CLSTN2: variants seen among roughly 807,000 people sequenced by gnomAD.
The protein encoded by CLSTN2 is calsyntenin-2.
A neutral mutation model predicts 101.2 loss-of-function variants in CLSTN2; 48 were observed. The observed-to-expected ratio is 0.47, with a 90% CI of 0.38 to 0.60. The LOEUF (loss-of-function observed/expected upper bound fraction) is 0.60. Ranked by LOEUF, CLSTN2 falls within the 20% of genes least tolerant of loss-of-function variation. The pLI is 0.00. For missense variants in CLSTN2, 1,160 were observed against 1,238.2 expected (o/e 0.94, Z 0.95); for synonymous variants, 481 against 463.6 (o/e 1.04, Z -0.48).
chr3:140,279,033 T>C (rs2086821509), intron 2 of CLSTN2, among the ~76,000 whole-genome samples: 1 of 152,188 alleles, frequency 6.6e-6, no homozygotes, highest in Admixed American at 6.5e-5. Context: ...ATTCTTCTGA[T>C]TTGTATCACC....
intron 2 of CLSTN2, among the ~76,000 whole-genome samples, chr3:140,397,469 C>A (rs1356683139): frequency 1.3e-5 from 2 of 152,180 alleles, no homozygotes; most frequent in Non-Finnish European, 2.9e-5. Context: ...ATTAAAGCTG[C>A]TGTAACGAAA....
chr3:140,167,935 A>G (rs920590918), intron 1 of CLSTN2, among the ~76,000 whole-genome samples: 3 of 152,106 alleles, frequency 2.0e-5, no homozygotes, highest in African/African-American at 4.8e-5. Flanking sequence ...GATATTCTGC[A>G]ATTTGTTTAT....
chr3:139,941,314 C>A (rs566967870), intron 1 of CLSTN2, among the ~76,000 whole-genome samples: 1 of 152,028 alleles, frequency 6.6e-6, no homozygotes, highest in Admixed American at 6.6e-5. Context: ...AAGCAGTAGG[C>A]CAGAGGGAGT....
chr3:140,381,006 C>A (rs1056478614), intron 2 of CLSTN2, among the ~76,000 whole-genome samples: 1 of 152,198 alleles, frequency 6.6e-6, no homozygotes, highest in Admixed American at 6.5e-5. Flanking sequence ...CTTAACCCAA[C>A]AGAAATGTTT....
intron 4 of CLSTN2, 145 bp from the exon 5 acceptor site, chr3:140,420,980 T>C: frequency 1.2e-6 from 1 of 862,528 alleles, no homozygotes; most frequent in Non-Finnish European, 1.8e-6. Context: ...GGAGCCATGC[T>C]CCTGTTTGCC....
rs1985552939 is a variant in CLSTN2 at position 140,571,637 on chromosome 3, A to G, written c.*5384A>G. On this transcript the variant is annotated 3_prime_UTR_variant, in exon 17 of 17. Coordinates refer to ENST00000458420, the MANE Select transcript of CLSTN2 (RefSeq NM_022131.3). ...TTCACATAACCACTTTCCATTGTCC[A>G]GCTGCAGGCAAAAGAAATGAGCAAT... 6.6e-6 allele frequency: 1 copy of G among 152,252 alleles called. No individual in the cohort carries two copies. The highest frequency in any genetic ancestry group is 2.1e-4 in the South Asian group (1 of 4,834). 9.4% of individuals were successfully genotyped at this position (152,252 alleles called of 1,614,324 possible).
intron 1 of CLSTN2, among the ~76,000 whole-genome samples, chr3:140,005,070 C>A (rs541469098): frequency 6.6e-6 from 1 of 152,256 alleles, no homozygotes; most frequent in East Asian, 1.9e-4. Context: ...CTGGATCTTA[C>A]ACCCACTAGA....
chr3:140,367,477 C>T (rs1230306791), intron 2 of CLSTN2, among the ~76,000 whole-genome samples: 1 of 135,722 alleles, frequency 7.4e-6, no homozygotes, highest in East Asian at 2.2e-4. Flanking sequence ...TGTACCACTG[C>T]ACTCCATCCT....
intron 8 of CLSTN2, among the ~76,000 whole-genome samples, chr3:140,477,691 T>C (rs928286994): frequency 1.3e-5 from 2 of 152,192 alleles, no homozygotes; most frequent in Non-Finnish European, 2.9e-5. Context: ...AAGCTCCAAG[T>C]TGTTTTCCAT....
chr3:140,142,964 C>A (rs1560107837), intron 1 of CLSTN2, among the ~76,000 whole-genome samples: 1 of 152,110 alleles, frequency 6.6e-6, no homozygotes, highest in African/African-American at 2.4e-5. Flanking sequence ...GGACTTGAAG[C>A]ACCTCTACTA....
chr3:140,428,698 C>T (rs1236501489), intron 5 of CLSTN2, among the ~76,000 whole-genome samples: 1 of 152,208 alleles, frequency 6.6e-6, no homozygotes, highest in Non-Finnish European at 1.5e-5. Context: ...GTTCCTTTTA[C>T]TTTCCCAATA....
chr3:140,115,752 C>T (rs1179110298), intron 1 of CLSTN2, among the ~76,000 whole-genome samples: 5 of 152,172 alleles, frequency 3.3e-5, no homozygotes, highest in African/African-American at 1.2e-4. Context: ...TTAAGGAAGT[C>T]TTCACTGAGA....
chr3:140,126,308 G>A (rs1194080684), intron 1 of CLSTN2, among the ~76,000 whole-genome samples: 1 of 152,124 alleles, frequency 6.6e-6, no homozygotes, highest in African/African-American at 2.4e-5. Flanking sequence ...TGGCAGCAGT[G>A]TGATGGTATG....
At chr3:140,159,206 A>C (rs2107818791) in intron 1 of CLSTN2, among the ~76,000 whole-genome samples, 1 of 152,334 alleles carries the variant, frequency 6.6e-6, no homozygotes, top group East Asian at 1.9e-4. Flanking sequence ...GCTTCTGCAC[A>C]GCAAAAGAAA....
chr3:140,465,551 C>A (rs1316559038), intron 7 of CLSTN2, among the ~76,000 whole-genome samples: 2 of 152,132 alleles, frequency 1.3e-5, no homozygotes, highest in Non-Finnish European at 2.9e-5. Flanking sequence ...GCCTGTTTGG[C>A]CAGGAGCAAT....
At chr3:140,104,191 C>T (rs1197016597) in intron 1 of CLSTN2, among the ~76,000 whole-genome samples, 1 of 152,202 alleles carries the variant, frequency 6.6e-6, no homozygotes. Context: ...GATTGAGTTG[C>T]ACCCTTCAAA....
At chr3:140,126,486 C>T (rs1047307808) in intron 1 of CLSTN2, among the ~76,000 whole-genome samples, 5 of 152,066 alleles carry the variant, frequency 3.3e-5, no homozygotes, top group African/African-American at 1.2e-4. Flanking sequence ...CCCTAAGGGA[C>T]CTCTAGGTTT....
chr3:140,426,515 T>G (rs1204046475), intron 5 of CLSTN2, among the ~76,000 whole-genome samples: 1 of 152,238 alleles, frequency 6.6e-6, no homozygotes, highest in Non-Finnish European at 1.5e-5. Context: ...CTACATTTTC[T>G]TTAAGGGATT....
intron 1 of CLSTN2, among the ~76,000 whole-genome samples, chr3:140,004,630 A>C (rs186783084): frequency 6.6e-6 from 1 of 152,222 alleles, no homozygotes; most frequent in Admixed American, 6.5e-5. Flanking sequence ...GGAGATTTTC[A>C]TCAGGGAGCC....
Sources: gnomAD v4.1 joint callset for allele counts (sites outside exome capture counted in the v4.1 genomes callset) on GRCh38, gnomAD v4.1.1 for gene constraint, MANE v1.5 for transcripts, NCBI Gene and HGNC (gene_info 2026-07-23, HGNC 2026-07-21) for gene names.